The following ERC1 variants were observed in gnomAD, a reference collection of about 807,000 sequenced individuals.
ERC1 encodes the protein RAB6 interacting protein 2.
ERC1 carries 56 observed loss-of-function variants against 132.0 expected under a neutral mutation model. That is an observed-to-expected ratio of 0.42 (90% CI 0.34 to 0.53). ERC1 has a LOEUF of 0.53. Ranked by LOEUF, ERC1 falls within the 20% of genes least tolerant of loss-of-function variation. ERC1 has a pLI of 0.03. For synonymous variants in ERC1, 478 were observed against 476.1 expected (o/e 1.00, Z -0.05); for missense variants, 1,202 against 1,349.9 (o/e 0.89, Z 1.72).
intron 14 of ERC1, among the ~76,000 whole-genome samples, chr12:1,279,479 A>G (rs997279434): frequency 5.3e-5 from 8 of 152,162 alleles, no homozygotes; most frequent in African/African-American, 9.6e-5. Flanking sequence ...GGAAATATCT[A>G]TGCCTTTAAA....
At chr12:1,151,548 T>C (rs1166816677) in intron 8 of ERC1, among the ~76,000 whole-genome samples, 1 of 152,232 alleles carries the variant, frequency 6.6e-6, no homozygotes, top group Non-Finnish European at 1.5e-5. Context: ...TCTGTTTCAA[T>C]TCAGGTCATT....
intron 15 of ERC1, among the ~76,000 whole-genome samples, chr12:1,316,445 G>A (rs2081731170): frequency 6.6e-6 from 1 of 151,754 alleles, no homozygotes; most frequent in Non-Finnish European, 1.5e-5. Flanking sequence ...ATTTATTCCA[G>A]CTATTCTTGA....
intron 8 of ERC1, among the ~76,000 whole-genome samples, chr12:1,180,296 T>TGC (rs555552962): frequency 1.4e-4 from 18 of 130,560 alleles, no homozygotes; most frequent in African/African-American, 6.7e-4. Flanking sequence ...CGCACGCGTG[T>TGC]GCGCGCGCGC....
chr12:1,138,205 T>A (rs1236453076), intron 7 of ERC1, among the ~76,000 whole-genome samples: 1 of 123,656 alleles, frequency 8.1e-6, no homozygotes, highest in Admixed American at 9.4e-5. Flanking sequence ...TTATATATGA[T>A]ATATATTATA....
intron 2 of ERC1, among the ~76,000 whole-genome samples, chr12:1,032,024 A>G (rs896708345): frequency 2.0e-5 from 3 of 151,970 alleles, no homozygotes; most frequent in African/African-American, 7.3e-5. Context: ...GGATCTTTAG[A>G]ATTTAGTAAA....
chr12:1,200,160 G>A (rs148569411), intron 12 of ERC1, among the ~76,000 whole-genome samples: 172 of 152,228 alleles, frequency 1.1e-3, no homozygotes, highest in Middle Eastern at 6.8e-3. Context: ...AATGAAAATG[G>A]AGGTTTTTAT....
chr12:1,344,149 C>T (rs746876968), intron 15 of ERC1, among the ~76,000 whole-genome samples: 11 of 152,202 alleles, frequency 7.2e-5, no homozygotes, highest in Non-Finnish European at 1.3e-4. Flanking sequence ...CCTGTAAAAA[C>T]ATTTTCATCT....
chr12:1,063,958 A>T (rs901136355), intron 2 of ERC1, among the ~76,000 whole-genome samples: 1 of 152,250 alleles, frequency 6.6e-6, no homozygotes, highest in Middle Eastern at 3.4e-3. Flanking sequence ...AGCATTTTGT[A>T]TGGCTGGTTT....
chr12:1,042,771 T>C (rs1468441960), intron 2 of ERC1, among the ~76,000 whole-genome samples: 1 of 152,156 alleles, frequency 6.6e-6, no homozygotes, highest in African/African-American at 2.4e-5. Context: ...TTTGAAAAAT[T>C]GGGAGAATAC....
intron 15 of ERC1, among the ~76,000 whole-genome samples, chr12:1,324,887 C>G (rs2082343517): frequency 6.6e-6 from 1 of 152,200 alleles, no homozygotes; most frequent in Admixed American, 6.5e-5. Context: ...CAAGTCCATT[C>G]ATCCCCACCT....
intron 15 of ERC1, among the ~76,000 whole-genome samples, chr12:1,312,784 T>A (rs1034420574): frequency 6.6e-6 from 1 of 152,216 alleles, no homozygotes; most frequent in Non-Finnish European, 1.5e-5. Context: ...ACTATATTTA[T>A]GAGTTGGTCA....
At chr12:1,070,783 G>A (rs61918736) in intron 2 of ERC1, among the ~76,000 whole-genome samples, 28,474 of 152,024 alleles carry the variant, frequency 0.19, 3,377 homozygotes, top group Non-Finnish European at 0.25. Context: ...GCCAACACCC[G>A]TGTAATCCAC....
intron 17 of ERC1, among the ~76,000 whole-genome samples, chr12:1,414,882 C>T (rs1008717337): frequency 2.0e-5 from 3 of 151,990 alleles, no homozygotes; most frequent in Non-Finnish European, 4.4e-5. Context: ...ATTTATTTAA[C>T]TACTGAATTC....
chr12:1,376,982 C>T (rs1263090772), intron 16 of ERC1, among the ~76,000 whole-genome samples: 1 of 152,134 alleles, frequency 6.6e-6, no homozygotes, highest in Non-Finnish European at 1.5e-5. Flanking sequence ...CAGGTGATCC[C>T]GTTGGTCTTG....
intron 15 of ERC1, among the ~76,000 whole-genome samples, chr12:1,290,631 C>T (rs565014466): frequency 6.6e-6 from 1 of 152,182 alleles, no homozygotes; most frequent in South Asian, 2.1e-4. Flanking sequence ...CAGTGACCTT[C>T]TGTTTAAAAC....
intron 15 of ERC1, among the ~76,000 whole-genome samples, chr12:1,312,548 G>A (rs1250882151): frequency 2.6e-5 from 4 of 152,072 alleles, no homozygotes; most frequent in Non-Finnish European, 5.9e-5. Context: ...TAGTAGAGAC[G>A]AGGTTTCACC....
At chr12:1,445,599 CT>C (rs1241105597) in intron 18 of ERC1, among the ~76,000 whole-genome samples, 1 of 152,172 alleles carries the variant, frequency 6.6e-6, no homozygotes, top group African/African-American at 2.4e-5. Flanking sequence ...TCAGCAACAT[CT>C]TTCCAGCCCC....
chr12:1,418,679 TTTCTTTC>T (rs770899232), intron 17 of ERC1, among the ~76,000 whole-genome samples: 9 of 97,160 alleles, frequency 9.3e-5, no homozygotes, highest in African/African-American at 3.6e-4. Context: ...TCTTTCTTTC[TTTCTTTC>T]TTTCTTTCTT....
At chr12:1,007,490 CTCTTTCTCTCTCTCTCACTGGGTAAT>C (rs1565768795) in intron 1 of ERC1, among the ~76,000 whole-genome samples, 6 of 134,120 alleles carry the variant, frequency 4.5e-5, no homozygotes, top group Non-Finnish European at 9.4e-5. Context: ...CTCTCTCTCT[CTCTTTCTCTCTCTCTCACTGGGTAAT>C]TCTCTCTCTC....
Sources: gnomAD v4.1 joint callset for allele counts (sites outside exome capture counted in the v4.1 genomes callset) on GRCh38, gnomAD v4.1.1 for gene constraint, MANE v1.5 for transcripts, NCBI Gene and HGNC (gene_info 2026-07-23, HGNC 2026-07-21) for gene names.